The following SMARCAD1 variants were observed in gnomAD, a reference collection of about 807,000 sequenced individuals.
SMARCAD1 encodes the protein SNF2 related chromatin remodeling ATPase with DExD box 1.
A neutral mutation model predicts 127.1 loss-of-function variants in SMARCAD1; 25 were observed. The ratio of observed to expected loss-of-function variants is 0.20; its 90% CI spans 0.14 to 0.27. SMARCAD1 has a LOEUF of 0.27. Among genes scored for constraint, SMARCAD1 ranks in the 10% least tolerant of loss-of-function variants. The pLI, the probability that SMARCAD1 is intolerant of heterozygous loss-of-function variation, is 1.00. For missense variants in SMARCAD1, 807 were observed against 1,206.0 expected, an observed-to-expected ratio of 0.67 and a Z score of 4.90; for synonymous variants, 400 against 396.9, an observed-to-expected ratio of 1.01 and a Z score of -0.09.
At chr4:94,224,699 T>A (rs1744727926) in intron 2 of SMARCAD1, among the ~76,000 whole-genome samples, 1 of 152,210 alleles carries the variant, frequency 6.6e-6, no homozygotes, top group Admixed American at 6.5e-5. Context: ...TTAATGGAGG[T>A]GGCTAATAGT....
At chr4:94,244,771 CTT>C (rs970049367) in intron 6 of SMARCAD1, among the ~76,000 whole-genome samples, 54 of 147,278 alleles carry the variant, frequency 3.7e-4, no homozygotes, top group African/African-American at 1.3e-3. Flanking sequence ...AAAAAAAAAA[CTT>C]AACTTTAAAA....
intron 10 of SMARCAD1, among the ~76,000 whole-genome samples, chr4:94,267,819 A>G (rs1751958787): frequency 6.6e-6 from 1 of 152,178 alleles, no homozygotes; most frequent in Non-Finnish European, 1.5e-5. Flanking sequence ...TGTTCTTAAC[A>G]GTAAATTGGT....
At chr4:94,248,599 A>G in intron 6 of SMARCAD1, 2 of 454,116 alleles carry the variant, frequency 4.4e-6, no homozygotes, top group South Asian at 1.6e-5. Context: ...GCTTCTTAAA[A>G]AAGACTAACC....
rs1163139694 is a variant in SMARCAD1 at position 94,208,106 on chromosome 4, TC to T, written c.-50+37del. On this transcript the variant is annotated intron_variant, in intron 1 of 23. Transcript: ENST00000354268. ...GTTGCATGAGGGTCAGCTCGTGGTTTCAGTAAGGAGGGGCGGGCGGGGGAGG... is the reference window on the plus strand; with the variant it reads ...GTTGCATGAGGGTCAGCTCGTGGTTTAGTAAGGAGGGGCGGGCGGGGGAGG... 9.1e-6 allele frequency: 5 copies of T among 552,234 alleles called. No homozygotes were observed. In the African/African-American group the frequency reaches 9.3e-5, roughly 10 times the overall value. The allele number at this position is 552,234 out of a possible 1,614,324, so 34.2% of individuals were successfully genotyped here.
intron 3 of SMARCAD1, among the ~76,000 whole-genome samples, chr4:94,228,299 C>T (rs1390144714): frequency 6.6e-6 from 1 of 151,976 alleles, no homozygotes; most frequent in Non-Finnish European, 1.5e-5. Context: ...TCAGAATTAC[C>T]CTTGTTAGCA....
intron 15 of SMARCAD1, among the ~76,000 whole-genome samples, chr4:94,276,731 C>T (rs947595222): frequency 1.4e-5 from 2 of 141,220 alleles, no homozygotes; most frequent in African/African-American, 4.9e-5. Context: ...CCATAATTTA[C>T]CTGTTCTATA....
chr4:94,251,205 A>G (rs542214844), intron 8 of SMARCAD1, among the ~76,000 whole-genome samples: 7 of 152,198 alleles, frequency 4.6e-5, no homozygotes, highest in Non-Finnish European at 7.4e-5. Flanking sequence ...GTCTTAGCCT[A>G]TACTTGCACA....
In SMARCAD1 at chr4:94,271,914, G is replaced by A. The variant is rs115161940; in HGVS notation, c.1572+1096G>A. 9.9e-3 allele frequency among the ~76,000 whole-genome samples: 1,508 copies of A among 152,302 alleles called. 20 individuals are homozygous for A. Among genetic ancestry groups the A allele is most frequent in the African/African-American group, 0.033 (1,388 of 41,562 alleles). ...TGAAACTATTTTTGTAACCTGTAAA[G>A]CGCAACACAATATTTATAAGTTGAT... On this transcript the variant is annotated intron_variant, in intron 11 of 23. Transcript: ENST00000354268.
At chr4:94,245,105 A>C (rs910313424) in intron 6 of SMARCAD1, among the ~76,000 whole-genome samples, 1 of 152,214 alleles carries the variant, frequency 6.6e-6, no homozygotes, top group Non-Finnish European at 1.5e-5. Context: ...ATTTTGAAGA[A>C]TTTGATACTT....
chr4:94,210,310 G>A (rs1376251879), intron 2 of SMARCAD1, among the ~76,000 whole-genome samples: 1 of 152,196 alleles, frequency 6.6e-6, no homozygotes, highest in Non-Finnish European at 1.5e-5. Flanking sequence ...TAGGAATGGA[G>A]CACTTTGCTT....
intron 9 of SMARCAD1, among the ~76,000 whole-genome samples, chr4:94,256,395 T>C (rs1750081997): frequency 6.6e-6 from 1 of 152,174 alleles, no homozygotes; most frequent in South Asian, 2.1e-4. Context: ...AGAGTTTCGC[T>C]CTTGTCACTT....
At chr4:94,282,011 G>C (rs1187318312) in intron 21 of SMARCAD1, among the ~76,000 whole-genome samples, 11 of 151,298 alleles carry the variant, frequency 7.3e-5, no homozygotes, top group African/African-American at 2.7e-4. Context: ...CTGCACTGTA[G>C]CCTGGGTGAC....
In SMARCAD1 at chr4:94,285,050, T is replaced by C. The variant is rs767829523; in HGVS notation, c.3000T>C (p.Asp1000=). Residue 1000 remains aspartate (D), a synonymous_variant, in exon 23 of 24, where the codon GAT becomes GAC. Coordinates refer to ENST00000354268, the MANE Select transcript of SMARCAD1 (RefSeq NM_020159.5). Reference sequence around the variant, plus strand: ...AACAGAAATTGAAACTAGAACAGGATATGACTACAGTAGATGAAGGTGAGT... The same window carrying C: ...AACAGAAATTGAAACTAGAACAGGACATGACTACAGTAGATGAAGGTGAGT... ...INQQKLKLEQ[D]MTTVDEGDEG... 6.2e-7 allele frequency: 1 copy of C among 1,609,720 alleles called. No homozygotes were observed. The highest frequency in any genetic ancestry group is 1.1e-5 in the South Asian group (1 of 90,988).
Position 94,289,950 on chromosome 4 carries a change from G to A in SMARCAD1, c.*416G>A, listed in dbSNP as rs1317604266. 3 of 454,330 alleles carry A rather than the reference G, an allele frequency of 6.6e-6. No individual in the cohort carries two copies. In the Admixed American group the frequency reaches 7.1e-5, roughly 11 times the overall value. 28.1% of individuals were successfully genotyped at this position (454,330 alleles called of 1,614,324 possible). A position where few individuals can be genotyped will look rare whatever the true frequency, so the allele number is the denominator to read the frequency against. On this transcript the variant is annotated 3_prime_UTR_variant, in exon 24 of 24. Coordinates refer to ENST00000354268, the MANE Select transcript of SMARCAD1 (RefSeq NM_020159.5). ...CCTTATTTGACAATGCTTATGTCTT[G>A]TTTTTGCTTGTCTCATTTGAAGTTC... is the stretch of plus-strand genomic sequence containing the variant.
chr4:94,273,581 T>C, intron 11 of SMARCAD1, 36 bp from the exon 12 acceptor site: 2 of 1,455,782 alleles, frequency 1.4e-6, no homozygotes, highest in Non-Finnish European at 1.9e-6. Context: ...TTTTGTTTGT[T>C]TTAAAATGTT....
intron 22 of SMARCAD1, among the ~76,000 whole-genome samples, chr4:94,283,958 T>C (rs1403843156): frequency 1.3e-5 from 2 of 152,004 alleles, no homozygotes; most frequent in Admixed American, 6.6e-5. Flanking sequence ...TGTTACCCTT[T>C]AGGAAGTAAA....
At chr4:94,229,205 G>T (rs577575298) in intron 3 of SMARCAD1, among the ~76,000 whole-genome samples, 3 of 152,114 alleles carry the variant, frequency 2.0e-5, no homozygotes, top group Admixed American at 6.5e-5. Flanking sequence ...AGTCCTATTC[G>T]CTAGCCAGCT....
intron 4 of SMARCAD1, among the ~76,000 whole-genome samples, chr4:94,235,640 ATTT>A (rs761940704): frequency 3.7e-5 from 5 of 134,234 alleles, no homozygotes; most frequent in Non-Finnish European, 6.4e-5. Flanking sequence ...GCTAATGTGA[ATTT>A]TTTTTTTTTT....
intron 23 of SMARCAD1, among the ~76,000 whole-genome samples, chr4:94,285,715 C>T (rs900361866): frequency 2.0e-5 from 3 of 152,120 alleles, no homozygotes; most frequent in Admixed American, 6.6e-5. Context: ...GTCTTTCTTG[C>T]GTAGCATTTA....
Sources: allele counts gnomAD v4.1 joint callset (sites outside exome capture counted in the v4.1 genomes callset), GRCh38; gene constraint gnomAD v4.1.1; transcripts MANE v1.5; gene names NCBI Gene and HGNC (gene_info 2026-07-23, HGNC 2026-07-21).